Variants in DISP1 observed in about 807,000 individuals in gnomAD.
DISP1 encodes dispatched RND transporter family member 1, also known as protein dispatched homolog 1.
DISP1 carries 30 observed loss-of-function variants against 37.3 expected under a neutral mutation model. The ratio of observed to expected loss-of-function variants is 0.80; its 90% confidence interval spans 0.60 to 1.09. The LOEUF (loss-of-function observed/expected upper bound fraction) is 1.09. Ranked by LOEUF, DISP1 falls within the 50% of genes least tolerant of loss-of-function variation. The probability of loss-of-function intolerance (pLI) is 0.00; values close to 1 mark genes in which losing one functional copy is unlikely to be tolerated. For synonymous variants in DISP1, 634 were observed against 690.2 expected (o/e 0.92, Z 1.28); for missense variants, 1,598 against 1,879.5 (o/e 0.85, Z 2.77).
chr1:222,819,597 T>C (rs1662265308), intron 1 of DISP1, among the ~76,000 whole-genome samples: 1 of 149,170 alleles, frequency 6.7e-6, no homozygotes, highest in African/African-American at 2.5e-5. Flanking sequence ...TGGAGTGCAG[T>C]GGCACGATCT....
At chr1:222,979,787 A>C (rs1677701717) in intron 3 of DISP1, 1 of 368,186 alleles carries the variant, frequency 2.7e-6, no homozygotes, top group Non-Finnish European at 5.7e-6. Context: ...TGAGCGCTGC[A>C]GGTCAGGAGG....
At chr1:222,853,867 G>C (rs1167730309) in intron 1 of DISP1, among the ~76,000 whole-genome samples, 1 of 152,166 alleles carries the variant, frequency 6.6e-6, no homozygotes, top group Non-Finnish European at 1.5e-5. Context: ...ATATTGTATA[G>C]TTTCAAATAG....
At chr1:222,834,412 GA>G (rs1666504384) in intron 1 of DISP1, among the ~76,000 whole-genome samples, 1 of 152,090 alleles carries the variant, frequency 6.6e-6, no homozygotes, top group Admixed American at 6.6e-5. Flanking sequence ...AACCTGAAAA[GA>G]AAAATGTTTC....
intron 1 of DISP1, among the ~76,000 whole-genome samples, chr1:222,816,072 A>AATAT (rs68057775): frequency 0.023 from 3,290 of 143,916 alleles, 40 homozygotes; most frequent in Non-Finnish European, 0.032. Context: ...GCTGTAAGGA[A>AATAT]ATATATATAT....
intron 1 of DISP1, among the ~76,000 whole-genome samples, chr1:222,861,265 T>C (rs1489663377): frequency 2.6e-5 from 4 of 152,198 alleles, no homozygotes; most frequent in African/African-American, 9.6e-5. Context: ...TGAGTTTCTT[T>C]CTGTGAGATT....
At position 222,944,504 on chromosome 1, in the gene DISP1, C is replaced by A. The variant is rs72742242; in HGVS notation, c.509+1172C>A. On this transcript the variant is annotated intron_variant, in intron 3 of 8. Transcript: ENST00000675850. ...TTAAAATTAGGGTATAATTTATATA[C>A]AGGGAAATGTACAGATTAATTATTC... 5.3e-3 allele frequency among the ~76,000 whole-genome samples: 809 copies of A among 152,214 alleles called. 4 individuals carry two copies. Among genetic ancestry groups the A allele is most frequent in the Middle Eastern group, 0.014 (4 of 294 alleles).
Position 222,953,857 on chromosome 1 carries a change from C to T in DISP1, c.509+10525C>T, listed in dbSNP as rs547916878. ...AGAGTGTGCTATGCCTCAAGGAATA[C>T]ATTGTACATTCTGTAATACATTTTA... On this transcript the variant is annotated intron_variant, in intron 3 of 8. Transcript: ENST00000675850. 1.4e-4 allele frequency among the ~76,000 whole-genome samples: 21 copies of T among 152,226 alleles called. No individual in the cohort carries two copies. In the South Asian group the frequency reaches 4.2e-3, roughly 30 times the overall value.
At chr1:222,979,759 T>TG (rs988766631) in intron 3 of DISP1, 24 of 433,168 alleles carry the variant, frequency 5.5e-5, no homozygotes, top group Non-Finnish European at 1.1e-4. Context: ...TATGCATACT[T>TG]GGATAGCCCT....
At chr1:222,862,006 G>A (rs1405805581) in intron 1 of DISP1, among the ~76,000 whole-genome samples, 1 of 152,094 alleles carries the variant, frequency 6.6e-6, no homozygotes, top group Admixed American at 6.6e-5. Flanking sequence ...ATAATTTTGC[G>A]ACCTGTTTTT....
At chr1:222,903,354 C>T (rs1482207508) in intron 1 of DISP1, among the ~76,000 whole-genome samples, 160 of 149,204 alleles carry the variant, frequency 1.1e-3, no homozygotes, top group Non-Finnish European at 1.9e-4. Context: ...TGCTAAATGA[C>T]GAGTTAATGG....
At chr1:222,886,857 C>T (rs894977226) in intron 1 of DISP1, among the ~76,000 whole-genome samples, 20 of 152,164 alleles carry the variant, frequency 1.3e-4, no homozygotes, top group Non-Finnish European at 2.4e-4. Context: ...TGAGAGAGAT[C>T]ATTTGGAATT....
intron 1 of DISP1, among the ~76,000 whole-genome samples, chr1:222,912,349 A>G (rs1362848985): frequency 6.6e-6 from 1 of 152,196 alleles, no homozygotes; most frequent in Non-Finnish European, 1.5e-5. Context: ...ATTACTTTGC[A>G]GCATAAAGCA....
At chr1:222,915,881 T>G (rs752745993) in intron 1 of DISP1, among the ~76,000 whole-genome samples, 21 of 152,244 alleles carry the variant, frequency 1.4e-4, no homozygotes, top group South Asian at 2.1e-4. Context: ...GCTTACTTTT[T>G]GTTGTTATTG....
chr1:222,894,105 A>G lies in DISP1; in HGVS notation c.-158-34325A>G, dbSNP rs541269564. Among the ~76,000 whole-genome samples the G allele has an allele frequency of 1.2e-4, 19 of 152,206 alleles. 1 individual carries two copies. In the East Asian group the frequency reaches 3.7e-3, roughly 30 times the overall value. On this transcript the variant is annotated intron_variant, in intron 1 of 8. Transcript: ENST00000675850. ...CTGGGTGGGTGGTTATGGGTCTCAT[A>G]AGGCAGGAAGTGTGTACTGGTTGAT... is the stretch of plus-strand genomic sequence containing the variant.
intron 1 of DISP1, among the ~76,000 whole-genome samples, chr1:222,876,282 A>G (rs1462362893): frequency 2.6e-5 from 4 of 152,210 alleles, no homozygotes; most frequent in Non-Finnish European, 4.4e-5. Context: ...GGAAAGTAAG[A>G]TTCAGCTTCT....
intron 1 of DISP1, among the ~76,000 whole-genome samples, chr1:222,822,174 C>T (rs1031912293): frequency 6.6e-6 from 1 of 152,222 alleles, no homozygotes; most frequent in African/African-American, 2.4e-5. Context: ...AGGTAGTAGG[C>T]ATAGAGTATC....
At chr1:222,942,517 C>T (rs1290268016) in intron 2 of DISP1, among the ~76,000 whole-genome samples, 1 of 151,798 alleles carries the variant, frequency 6.6e-6, no homozygotes, top group Non-Finnish European at 1.5e-5. Context: ...ATTACTTGTG[C>T]ATCTAGGATG....
chr1:222,861,372 C>G (rs957986282), intron 1 of DISP1, among the ~76,000 whole-genome samples: 4 of 152,174 alleles, frequency 2.6e-5, no homozygotes, highest in Non-Finnish European at 5.9e-5. Flanking sequence ...ATTCTAGACT[C>G]TAAATTCTGT....
At chr1:222,871,333 C>G (rs994244406) in intron 1 of DISP1, among the ~76,000 whole-genome samples, 1 of 152,074 alleles carries the variant, frequency 6.6e-6, no homozygotes, top group East Asian at 1.9e-4. Context: ...TGAAGAAAGT[C>G]ATTGGTAGCT....
Sources: allele counts gnomAD v4.1 joint callset (sites outside exome capture counted in the v4.1 genomes callset), GRCh38; gene constraint gnomAD v4.1.1; transcripts MANE v1.5; gene names NCBI Gene and HGNC (gene_info 2026-07-23, HGNC 2026-07-21).